The following ANKRD11 variants were observed in gnomAD, a reference collection of about 807,000 sequenced individuals.
ANKRD11 encodes ankyrin repeat domain 11.
In ANKRD11, 17 loss-of-function variants were observed where a neutral mutation model predicts 195.7. The observed-to-expected ratio is 0.09, with a 90% CI of 0.06 to 0.13. The LOEUF (loss-of-function observed/expected upper bound fraction) is 0.13, where lower values mean the gene tolerates loss of function less well. Among genes scored for constraint, ANKRD11 ranks in the 10% least tolerant of loss-of-function variants. The probability of loss-of-function intolerance (pLI) is 1.00; values close to 1 mark genes in which losing one functional copy is unlikely to be tolerated. For synonymous variants in ANKRD11, 1,953 were observed against 1,528.1 expected, an observed-to-expected ratio of 1.28 and a Z score of -6.49; for missense variants, 3,735 against 3,566.1, an observed-to-expected ratio of 1.05 and a Z score of -1.21.
chr16:89,362,148 G>A (rs564540750), intron 2 of ANKRD11, among the ~76,000 whole-genome samples: 23 of 152,256 alleles, frequency 1.5e-4, no homozygotes, highest in Non-Finnish European at 2.4e-4. Context: ...CTTAACAAAT[G>A]TGAGTGGATT....
chr16:89,295,419 A>G, intron 4 of ANKRD11, among the ~76,000 whole-genome samples: 1 of 152,086 alleles, frequency 6.6e-6, no homozygotes, highest in South Asian at 2.1e-4. Context: ...TTCAAACCAC[A>G]TCCACCTCGC....
At position 89,282,553 on chromosome 16, in the gene ANKRD11, C is replaced by A; in HGVS notation, c.3989G>T (p.Gly1330Val). 6.2e-7 allele frequency: 1 copy of A among 1,614,070 alleles called. No individual in the cohort carries two copies. Among genetic ancestry groups the A allele is most frequent in the Non-Finnish European group, 8.5e-7 (1 of 1,179,986 alleles). ...FLEVSFTEPP[G>V]DDKPRESACL... is the part of the protein sequence containing the mutation. ...GGCGCTCTCCCTCGGCTTGTCGTCT[C>A]CAGGTGGCTCCGTGAAAGAGACCTC... is the stretch of plus-strand genomic sequence containing the variant. The change falls in exon 9 of 13, where the codon GGA (glycine) becomes GTA (valine). Residue 1330 changes from glycine to valine, a missense_variant. Coordinates refer to ENST00000301030, the MANE Select transcript of ANKRD11 (RefSeq NM_013275.6).
At chr16:89,369,282 G>A (rs1045328319) in intron 2 of ANKRD11, among the ~76,000 whole-genome samples, 1 of 152,184 alleles carries the variant, frequency 6.6e-6, no homozygotes, top group Admixed American at 6.5e-5. Context: ...ATGCCCACAC[G>A]TCTCCACGAC....
intron 2 of ANKRD11, among the ~76,000 whole-genome samples, chr16:89,396,684 G>A (rs2041447541): frequency 6.6e-6 from 1 of 152,096 alleles, no homozygotes; most frequent in Non-Finnish European, 1.5e-5. Flanking sequence ...ATTGCTATTT[G>A]TTGTTGTTGC....
At chr16:89,483,048 A>C (rs1371280387) in intron 1 of ANKRD11, among the ~76,000 whole-genome samples, 1 of 152,220 alleles carries the variant, frequency 6.6e-6, no homozygotes, top group Non-Finnish European at 1.5e-5. Context: ...GCAGCGCTGG[A>C]AAACCAACAC....
intron 4 of ANKRD11, among the ~76,000 whole-genome samples, chr16:89,296,081 C>T (rs889201123): frequency 6.7e-6 from 1 of 149,818 alleles, no homozygotes; most frequent in Non-Finnish European, 1.5e-5. Flanking sequence ...CTCCACCTCC[C>T]AGGCTCAAGC....
chr16:89,382,335 A>ATT (rs869040630), intron 2 of ANKRD11, among the ~76,000 whole-genome samples: 1 of 151,246 alleles, frequency 6.6e-6, no homozygotes, highest in Non-Finnish European at 1.5e-5. Context: ...ATATATATAT[A>ATT]TTTTTTTAAA....
intron 1 of ANKRD11, among the ~76,000 whole-genome samples, chr16:89,465,988 G>A (rs1337063910): frequency 2.0e-5 from 3 of 152,138 alleles, no homozygotes; most frequent in Non-Finnish European, 4.4e-5. Flanking sequence ...GGAATTACAG[G>A]CGTGAGCCAC....
chr16:89,288,459 G>C, intron 7 of ANKRD11, 69 bp downstream of exon 7: 1 of 1,610,908 alleles, frequency 6.2e-7, no homozygotes, highest in Non-Finnish European at 8.5e-7. Flanking sequence ...TAGCTACGGG[G>C]AAACAAAGCT....
At chr16:89,326,881 G>A (rs2037756079) in intron 2 of ANKRD11, among the ~76,000 whole-genome samples, 1 of 152,252 alleles carries the variant, frequency 6.6e-6, no homozygotes, top group Admixed American at 6.5e-5. Context: ...TGGCATCCGG[G>A]CACATCTGCA....
intron 2 of ANKRD11, among the ~76,000 whole-genome samples, chr16:89,347,512 G>A (rs1227935082): frequency 1.3e-5 from 2 of 151,730 alleles, no homozygotes; most frequent in East Asian, 3.9e-4. Flanking sequence ...TAGGGAGGCT[G>A]AGGCAGGAGA....
chr16:89,295,493 C>G (rs112285737), intron 4 of ANKRD11, among the ~76,000 whole-genome samples: 64 of 152,346 alleles, frequency 4.2e-4, no homozygotes, highest in African/African-American at 1.2e-3. Context: ...TCCACGGAAC[C>G]CTCTCCTCCT....
intron 3 of ANKRD11, among the ~76,000 whole-genome samples, chr16:89,316,629 C>T (rs976593051): frequency 6.6e-6 from 1 of 152,220 alleles, no homozygotes. Context: ...CTAACAGGAG[C>T]CAGGACAGAA....
intron 2 of ANKRD11, among the ~76,000 whole-genome samples, chr16:89,415,207 T>A (rs1244039898): frequency 1.3e-5 from 2 of 149,412 alleles, no homozygotes; most frequent in Non-Finnish European, 3.0e-5. Context: ...ACCCACCCCT[T>A]CCTCCCAAAG....
intron 4 of ANKRD11, among the ~76,000 whole-genome samples, chr16:89,295,794 C>A (rs1235794046): frequency 7.3e-6 from 1 of 136,758 alleles, no homozygotes; most frequent in East Asian, 2.2e-4. Context: ...GGGGCTGTGA[C>A]CTTCCCGAGG....
At position 89,395,061 on chromosome 16, in the gene ANKRD11, A is replaced by T. The variant is rs117128599; in HGVS notation, c.-60+23223T>A. Reference sequence around the variant, plus strand: ...ATCTTAAAAGTTCTGCAGGATTTGGAAAAACAAAGACAAATTATTAAACCA... The same window carrying T: ...ATCTTAAAAGTTCTGCAGGATTTGGTAAAACAAAGACAAATTATTAAACCA... On this transcript the variant is annotated intron_variant, in intron 2 of 12. Transcript: ENST00000301030. 4.7e-4 allele frequency among the ~76,000 whole-genome samples: 71 copies of T among 152,368 alleles called. 1 individual carries two copies. The East Asian group carries it at 0.013, about 28-fold the overall frequency.
chr16:89,417,949 G>A (rs2042372194), intron 2 of ANKRD11, among the ~76,000 whole-genome samples: 1 of 152,210 alleles, frequency 6.6e-6, no homozygotes, highest in Non-Finnish European at 1.5e-5. Flanking sequence ...CAGGGTGGGG[G>A]TCTCAGTCAT....
chr16:89,397,049 G>A (rs1010888570), intron 2 of ANKRD11, among the ~76,000 whole-genome samples: 2 of 151,718 alleles, frequency 1.3e-5, no homozygotes, highest in African/African-American at 4.8e-5. Flanking sequence ...AGAATGTGCT[G>A]CTTATATGCA....
intron 1 of ANKRD11, among the ~76,000 whole-genome samples, chr16:89,483,752 C>T (rs560542041): frequency 2.0e-5 from 3 of 150,482 alleles, no homozygotes; most frequent in Non-Finnish European, 4.4e-5. Flanking sequence ...CGCCTGAACC[C>T]GGGAGGCGGA....
Sources: gnomAD v4.1 joint callset for allele counts (sites outside exome capture counted in the v4.1 genomes callset) on GRCh38, gnomAD v4.1.1 for gene constraint, MANE v1.5 for transcripts, NCBI Gene and HGNC (gene_info 2026-07-23, HGNC 2026-07-21) for gene names.